The following CADM1 variants were observed in gnomAD, a reference collection of about 807,000 sequenced individuals.
The protein encoded by CADM1 is cell adhesion molecule 1, also known as TSLC-1.
CADM1 carries 15 observed loss-of-function variants against 53.1 expected under a neutral mutation model. That is an observed-to-expected ratio of 0.28 (90% CI 0.19 to 0.44). CADM1 has a LOEUF of 0.44. Ranked by LOEUF, CADM1 falls within the 20% of genes least tolerant of loss-of-function variation. CADM1 has a pLI of 1.00. For missense variants in CADM1, 434 were observed against 611.3 expected, an observed-to-expected ratio of 0.71 and a Z score of 3.06; for synonymous variants, 281 against 243.0, an observed-to-expected ratio of 1.16 and a Z score of -1.45.
intron 1 of CADM1, among the ~76,000 whole-genome samples, chr11:115,314,586 G>T (rs974361346): frequency 6.6e-6 from 1 of 152,116 alleles, no homozygotes; most frequent in African/African-American, 2.4e-5. Context: ...GTTTGTATAT[G>T]AAAGATTTAT....
At chr11:115,242,794 C>A (rs1303576339) in intron 1 of CADM1, among the ~76,000 whole-genome samples, 1 of 152,154 alleles carries the variant, frequency 6.6e-6, no homozygotes, top group Non-Finnish European at 1.5e-5. Flanking sequence ...TCAACATAAA[C>A]CAAGGCCTTA....
At chr11:115,253,390 G>A (rs1384251634) in intron 1 of CADM1, among the ~76,000 whole-genome samples, 1 of 152,170 alleles carries the variant, frequency 6.6e-6, no homozygotes, top group Non-Finnish European at 1.5e-5. Context: ...GTATGTCTAA[G>A]ATGTTTGGGG....
chr11:115,392,236 T>C (rs1946853553), intron 1 of CADM1, among the ~76,000 whole-genome samples: 1 of 152,126 alleles, frequency 6.6e-6, no homozygotes, highest in Non-Finnish European at 1.5e-5. Context: ...CACTCAAATA[T>C]ATGTTCTATG....
At chr11:115,232,545 C>G (rs1591628391) in intron 3 of CADM1, among the ~76,000 whole-genome samples, 2 of 152,148 alleles carry the variant, frequency 1.3e-5, no homozygotes, top group Admixed American at 6.5e-5. Context: ...ATTACAACCA[C>G]CCTTCTGTAA....
At chr11:115,488,289 G>A (rs940947644) in intron 1 of CADM1, among the ~76,000 whole-genome samples, 1 of 152,150 alleles carries the variant, frequency 6.6e-6, no homozygotes, top group Non-Finnish European at 1.5e-5. Flanking sequence ...CCTTAGGCAG[G>A]GAAAAGGGAA....
intron 1 of CADM1, among the ~76,000 whole-genome samples, chr11:115,261,386 A>C (rs1942969825): frequency 6.6e-6 from 1 of 152,204 alleles, no homozygotes; most frequent in Non-Finnish European, 1.5e-5. Context: ...CTCAAAAATT[A>C]ACACAGGGCA....
chr11:115,352,139 C>A (rs1163934224), intron 1 of CADM1, among the ~76,000 whole-genome samples: 1 of 152,112 alleles, frequency 6.6e-6, no homozygotes, highest in African/African-American at 2.4e-5. Flanking sequence ...ATTAAAAGCC[C>A]CCAAGTTACC....
At chr11:115,274,164 C>A (rs1943380680) in intron 1 of CADM1, among the ~76,000 whole-genome samples, 2 of 152,232 alleles carry the variant, frequency 1.3e-5, no homozygotes. Context: ...TATTCAACCA[C>A]AAATCTTAGT....
At chr11:115,340,801 C>T (rs1945426683) in intron 1 of CADM1, among the ~76,000 whole-genome samples, 1 of 150,176 alleles carries the variant, frequency 6.7e-6, no homozygotes, top group Non-Finnish European at 1.5e-5. Context: ...ACTGGGATTA[C>T]AAGCATGTGC....
intron 1 of CADM1, among the ~76,000 whole-genome samples, chr11:115,436,687 C>T (rs144235208): frequency 1.3e-5 from 2 of 152,306 alleles, no homozygotes; most frequent in Non-Finnish European, 2.9e-5. Flanking sequence ...CAGACACATG[C>T]AAATTCATCC....
At position 115,213,009 on chromosome 11, in the gene CADM1, A is replaced by C. The variant is rs989811526; in HGVS notation, c.994+1599T>G. 2.0e-5 allele frequency among the ~76,000 whole-genome samples: 3 copies of C among 152,262 alleles called. No homozygotes were observed. The East Asian group carries it at 5.8e-4, about 29-fold the overall frequency. Reference sequence around the variant, plus strand: ...GAAATGTAGGGGCAGTAAGTACAATAAATCAAAACTGTTTATCCAGATAAC... The same window carrying C: ...GAAATGTAGGGGCAGTAAGTACAATCAATCAAAACTGTTTATCCAGATAAC... On this transcript the variant is annotated intron_variant, in intron 7 of 11. Transcript: ENST00000331581.
intron 1 of CADM1, among the ~76,000 whole-genome samples, chr11:115,451,311 G>C (rs1948566476): frequency 6.6e-6 from 1 of 152,166 alleles, no homozygotes; most frequent in Non-Finnish European, 1.5e-5. Context: ...TATGGAAAGG[G>C]CTGTAATTTT....
At chr11:115,360,968 C>T (rs1278327635) in intron 1 of CADM1, among the ~76,000 whole-genome samples, 2 of 152,190 alleles carry the variant, frequency 1.3e-5, no homozygotes, top group Non-Finnish European at 2.9e-5. Flanking sequence ...TACATAGGTA[C>T]TAGGCATTCA....
intron 2 of CADM1, among the ~76,000 whole-genome samples, chr11:115,238,860 G>T (rs973842828): frequency 6.6e-6 from 1 of 151,362 alleles, no homozygotes; most frequent in Non-Finnish European, 1.5e-5. Context: ...GTGTGCGTGT[G>T]CATATATATA....
At chr11:115,209,773 A>G in intron 7 of CADM1, 116 bp from the exon 8 acceptor site, 1 of 1,276,256 alleles carries the variant, frequency 7.8e-7, no homozygotes, top group Non-Finnish European at 1.1e-6. Flanking sequence ...TTCCCCCTTT[A>G]AAACCAAAAG....
chr11:115,227,590 C>A (rs1941659267), intron 5 of CADM1, among the ~76,000 whole-genome samples: 1 of 152,190 alleles, frequency 6.6e-6, no homozygotes, highest in African/African-American at 2.4e-5. Context: ...AATCTACTAT[C>A]TGCTAATTTA....
intron 1 of CADM1, among the ~76,000 whole-genome samples, chr11:115,321,262 T>C (rs748423580): frequency 4.6e-5 from 7 of 152,190 alleles, no homozygotes; most frequent in Non-Finnish European, 1.0e-4. Context: ...GTTGCAAGAT[T>C]GGTAAGAAGT....
chr11:115,286,246 T>C (rs1943725666), intron 1 of CADM1, among the ~76,000 whole-genome samples: 1 of 152,168 alleles, frequency 6.6e-6, no homozygotes, highest in Non-Finnish European at 1.5e-5. Context: ...GTAGCACCCA[T>C]TATCATAAAT....
intron 10 of CADM1, chr11:115,179,174 C>T: frequency 3.8e-6 from 1 of 259,810 alleles, no homozygotes; most frequent in East Asian, 8.0e-5. Context: ...CAGAAGGGTA[C>T]AGCATCTTTC....
Sources: allele counts gnomAD v4.1 joint callset (sites outside exome capture counted in the v4.1 genomes callset), GRCh38; gene constraint gnomAD v4.1.1; transcripts MANE v1.5; gene names NCBI Gene and HGNC (gene_info 2026-07-23, HGNC 2026-07-21).